The following BANP variants were observed in gnomAD, a reference collection of about 807,000 sequenced individuals.
The protein encoded by BANP is protein BANP.
In BANP, 11 loss-of-function variants were observed where a neutral mutation model predicts 68.1. The observed-to-expected ratio is 0.16, with a 90% CI of 0.10 to 0.27. The LOEUF is 0.27. BANP is among the 10% of genes least tolerant of loss of function. The pLI, the probability that BANP is intolerant of heterozygous loss-of-function variation, is 1.00. For synonymous variants in BANP, 329 were observed against 303.2 expected (o/e 1.09, Z -0.88); for missense variants, 504 against 722.7 (o/e 0.70, Z 3.47).
At chr16:88,068,028 TGAG>T (rs978588609) in intron 12 of BANP, among the ~76,000 whole-genome samples, 14 of 152,288 alleles carry the variant, frequency 9.2e-5, no homozygotes, top group African/African-American at 3.4e-4. Flanking sequence ...ACGTGTGTGA[TGAG>T]GAGGTGCTTG....
chr16:87,951,501 T>G lies in BANP; in HGVS notation c.-83T>G, dbSNP rs2144247907. On this transcript the variant is annotated 5_prime_UTR_variant, in exon 1 of 14. The change creates a new upstream start codon in the 5' untranslated region. Transcript: ENST00000682872. Reference sequence around the variant, plus strand: ...TCTCCCCGACAAACACCACGAGAATTCCGCAGCCCACACGGTAATTGCAGC... The same window carrying G: ...TCTCCCCGACAAACACCACGAGAATGCCGCAGCCCACACGGTAATTGCAGC... The G allele has an allele frequency of 6.5e-6, 1 of 152,720 alleles. No homozygotes were observed. The highest frequency in any genetic ancestry group is 1.5e-5 in the Non-Finnish European group (1 of 67,846). The allele number at this position is 152,720 out of a possible 1,614,324, so 9.5% of individuals were successfully genotyped here.
chr16:87,952,154 G>A (rs932319607), intron 1 of BANP: 1 of 152,314 alleles, frequency 6.6e-6, no homozygotes, highest in Non-Finnish European at 1.5e-5. Flanking sequence ...CCTTAAGGAA[G>A]GTGGCCGTTT....
chr16:88,011,088 G>C (rs559294499), intron 6 of BANP, among the ~76,000 whole-genome samples: 88 of 152,248 alleles, frequency 5.8e-4, no homozygotes, highest in Admixed American at 1.4e-3. Flanking sequence ...AGCAGCGTGA[G>C]AACAGTCATG....
chr16:88,027,417 GC>G, intron 7 of BANP, 65 bp from the exon 8 acceptor site: 1 of 1,588,124 alleles, frequency 6.3e-7, no homozygotes, highest in East Asian at 2.2e-5. Context: ...CGGCCCTGCA[GC>G]CAGGCAGCTC....
At chr16:87,982,197 A>G (rs752946666) in intron 3 of BANP, among the ~76,000 whole-genome samples, 5 of 152,232 alleles carry the variant, frequency 3.3e-5, no homozygotes, top group African/African-American at 9.6e-5. Context: ...CATCTGTTGC[A>G]CATAGAACAG....
At chr16:87,968,219 C>T (rs965704312) in intron 1 of BANP, among the ~76,000 whole-genome samples, 2 of 151,956 alleles carry the variant, frequency 1.3e-5, no homozygotes, top group African/African-American at 4.8e-5. Flanking sequence ...TGCAGTGGCT[C>T]ACCCCTATAA....
intron 2 of BANP, among the ~76,000 whole-genome samples, chr16:87,976,474 G>GTTTTTTGT (rs1555546296): frequency 2.1e-5 from 2 of 95,972 alleles, no homozygotes; most frequent in Admixed American, 1.1e-4. Flanking sequence ...GTTTTAAAAA[G>GTTTTTTGT]TTTTTTTTTT....
intron 4 of BANP, among the ~76,000 whole-genome samples, chr16:87,994,906 T>G (rs925155410): frequency 2.0e-5 from 3 of 152,196 alleles, no homozygotes; most frequent in Non-Finnish European, 4.4e-5. Context: ...CCCCTGGACT[T>G]GTGATTAGCA....
chr16:88,051,063 T>C (rs1892478718), intron 11 of BANP, among the ~76,000 whole-genome samples: 1 of 152,242 alleles, frequency 6.6e-6, no homozygotes, highest in Non-Finnish European at 1.5e-5. Flanking sequence ...CATAGCCAGC[T>C]GAGCAGTCAC....
chr16:88,040,019 C>T (rs2080350616), intron 11 of BANP, among the ~76,000 whole-genome samples: 1 of 152,206 alleles, frequency 6.6e-6, no homozygotes, highest in East Asian at 1.9e-4. Flanking sequence ...CTTGTGAACT[C>T]TCATACGCTC....
At chr16:88,027,165 G>A (rs567751834) in intron 7 of BANP, among the ~76,000 whole-genome samples, 12 of 152,352 alleles carry the variant, frequency 7.9e-5, no homozygotes, top group East Asian at 1.9e-4. Flanking sequence ...GGAAGGTCTG[G>A]GAATCTTGTG....
chr16:87,994,233 C>A (rs1279244808), intron 4 of BANP, among the ~76,000 whole-genome samples: 1 of 152,244 alleles, frequency 6.6e-6, no homozygotes, highest in Non-Finnish European at 1.5e-5. Context: ...TGGAGTCAGT[C>A]CTGACGCTGC....
At position 88,006,012 on chromosome 16, in the gene BANP, G is replaced by A. The variant is rs868302869; in HGVS notation, c.480-78G>A. ...TGGTCCACACAGAGTTAGATTTTGC[G>A]ATAAGGAAAGCGCTGACCTTCGCGT... is the stretch of plus-strand genomic sequence containing the variant. On this transcript the variant is annotated intron_variant, in intron 5 of 13. Coordinates refer to ENST00000682872, the MANE Select transcript of BANP (RefSeq NM_001386991.1). The A allele has an allele frequency of 9.6e-5, 152 of 1,586,394 alleles. 1 individual carries two copies. Among genetic ancestry groups the A allele is most frequent in the Middle Eastern group, 4.5e-4 (2 of 4,474 alleles).
chr16:88,027,749 C>T, intron 8 of BANP, 99 bp downstream of exon 8: 1 of 1,425,064 alleles, frequency 7.0e-7, no homozygotes, highest in Non-Finnish European at 9.6e-7. Context: ...GCGGCTCCAC[C>T]AGTGGCCGGG....
chr16:88,051,583 T>A (rs1023659970), intron 11 of BANP, among the ~76,000 whole-genome samples: 6 of 152,204 alleles, frequency 3.9e-5, no homozygotes, highest in African/African-American at 1.4e-4. Flanking sequence ...GAGCCACGGT[T>A]CCCTCTCTCA....
At chr16:87,964,052 A>G (rs188450266) in intron 1 of BANP, among the ~76,000 whole-genome samples, 13 of 152,374 alleles carry the variant, frequency 8.5e-5, no homozygotes, top group East Asian at 7.7e-4. Flanking sequence ...AGATGTGTCA[A>G]TCACCCTGAT....
At position 88,002,406 on chromosome 16, in the gene BANP, G is replaced by T. The variant is rs189216914; in HGVS notation, c.363-1889G>T. ...GTCACGCCCGTGCTGGTGTTCAGGTGGCCCTGCGCTGGCTCCTGGGGTCTG... is the reference window on the plus strand; with the variant it reads ...GTCACGCCCGTGCTGGTGTTCAGGTTGCCCTGCGCTGGCTCCTGGGGTCTG... On this transcript the variant is annotated intron_variant, in intron 4 of 13. Coordinates refer to ENST00000682872, the MANE Select transcript of BANP (RefSeq NM_001386991.1). The surrounding 1 kb of genome is among the most constrained non-coding windows in gnomAD (Gnocchi z 4.6). Among the ~76,000 whole-genome samples the T allele has an allele frequency of 3.8e-4, 58 of 152,310 alleles. 2 individuals carry two copies. The South Asian group carries it at 9.5e-3, about 25-fold the overall frequency.
At chr16:88,035,577 C>T (rs1034060594) in intron 10 of BANP, among the ~76,000 whole-genome samples, 183 bp downstream of exon 10, 2 of 152,220 alleles carry the variant, frequency 1.3e-5, no homozygotes, top group African/African-American at 4.8e-5. Context: ...GCCTCTCTGC[C>T]TCCCCCTCCT....
chr16:87,976,165 T>C (rs989180665), intron 2 of BANP, among the ~76,000 whole-genome samples: 3 of 152,368 alleles, frequency 2.0e-5, no homozygotes, highest in Non-Finnish European at 2.9e-5. Context: ...TCCTTGCATA[T>C]ATATCTTGGC....
Sources: gnomAD v4.1 joint callset for allele counts (sites outside exome capture counted in the v4.1 genomes callset) on GRCh38, gnomAD v4.1.1 for gene constraint, Gnocchi (gnomAD v3.1) non-coding constraint, MANE v1.5 for transcripts, NCBI Gene and HGNC (gene_info 2026-07-23, HGNC 2026-07-21) for gene names.